The following KCTD1 variants were observed in gnomAD, a reference collection of about 807,000 sequenced individuals.
KCTD1 encodes the protein potassium channel tetramerization domain containing 1, also known as BTB/POZ domain-containing protein KCTD1.
KCTD1 carries 24 observed loss-of-function variants against 66.0 expected under a neutral mutation model. The observed-to-expected ratio is 0.36, with a 90% CI of 0.26 to 0.51. The LOEUF (loss-of-function observed/expected upper bound fraction) is 0.51, where lower values mean the gene tolerates loss of function less well. Ranked by LOEUF, KCTD1 falls within the 20% of genes least tolerant of loss-of-function variation. The probability of loss-of-function intolerance (pLI) is 0.95; values close to 1 mark genes in which losing one functional copy is unlikely to be tolerated. For synonymous variants in KCTD1, 511 were observed against 517.2 expected, an observed-to-expected ratio of 0.99 and a Z score of 0.16; for missense variants, 943 against 1,205.2, an observed-to-expected ratio of 0.78 and a Z score of 3.22.
intron 1 of KCTD1, among the ~76,000 whole-genome samples, chr18:26,597,655 GGT>G (rs1429635812): frequency 7.8e-6 from 1 of 128,180 alleles, no homozygotes; most frequent in East Asian, 2.6e-4. Context: ...CTGAGGTCTT[GGT>G]GTTTTTTTTT....
chr18:26,526,836 G>T (rs962308041), intron 1 of KCTD1, among the ~76,000 whole-genome samples: 24 of 150,266 alleles, frequency 1.6e-4, no homozygotes, highest in East Asian at 3.9e-4. Context: ...TGAAGAACTG[G>T]TATTTTCAGT....
intron 1 of KCTD1, among the ~76,000 whole-genome samples, chr18:26,514,562 AAAAAAAAAAG>A (rs1240613619): frequency 5.3e-4 from 60 of 113,002 alleles, no homozygotes; most frequent in South Asian, 1.8e-3. Flanking sequence ...AAAAAAAAAA[AAAAAAAAAAG>A]AAATGGCAGA....
upstream of KCTD1, chr18:26,549,714 G>T: frequency 1.0e-6 from 1 of 985,374 alleles, no homozygotes; most frequent in Non-Finnish European, 1.2e-6. Context: ...ATTCGGATCC[G>T]GAGCGCACTC....
At chr18:26,578,281 C>T (rs908740431) in intron 1 of KCTD1, among the ~76,000 whole-genome samples, 1 of 152,068 alleles carries the variant, frequency 6.6e-6, no homozygotes, top group Non-Finnish European at 1.5e-5. Context: ...TATTTTTGCT[C>T]TTCTATAAAT....
At chr18:26,531,012 G>A (rs1984409527) in intron 1 of KCTD1, among the ~76,000 whole-genome samples, 1 of 152,180 alleles carries the variant, frequency 6.6e-6, no homozygotes, top group Admixed American at 6.5e-5. Flanking sequence ...AACCACTGTG[G>A]CAGGCATGGG....
upstream of KCTD1, among the ~76,000 whole-genome samples, chr18:26,642,077 C>T (rs953408204): frequency 5.3e-5 from 8 of 152,148 alleles, no homozygotes; most frequent in African/African-American, 1.9e-4. Flanking sequence ...TGACACTTTT[C>T]CATGCCCTAT....
intron 1 of KCTD1, among the ~76,000 whole-genome samples, chr18:26,601,067 G>A (rs895783139): frequency 6.6e-6 from 1 of 152,070 alleles, no homozygotes; most frequent in Non-Finnish European, 1.5e-5. Context: ...GGAACTTAGT[G>A]TCACACACAA....
chr18:26,528,684 G>T (rs984337925), intron 1 of KCTD1, among the ~76,000 whole-genome samples: 6 of 152,112 alleles, frequency 3.9e-5, no homozygotes, highest in Middle Eastern at 3.2e-3. Context: ...CCACAAAACT[G>T]TTCTTGCAGA....
At chr18:26,485,254 T>A (rs1362449518) in intron 2 of KCTD1, among the ~76,000 whole-genome samples, 1 of 152,182 alleles carries the variant, frequency 6.6e-6, no homozygotes, top group Non-Finnish European at 1.5e-5. Flanking sequence ...GGTACCATTA[T>A]CCCCATTTTA....
chr18:26,656,065 G>A (rs2145089227), intron 1 of KCTD1, among the ~76,000 whole-genome samples: 1 of 152,274 alleles, frequency 6.6e-6, no homozygotes, highest in East Asian at 1.9e-4. Context: ...TTGGGGGGGC[G>A]GAGGAGGAAA....
chr18:26,620,833 CTTT>C (rs67862567), intron 1 of KCTD1, among the ~76,000 whole-genome samples: 82 of 118,316 alleles, frequency 6.9e-4, no homozygotes, highest in Middle Eastern at 5.6e-3. Context: ...ACTTGAAAAG[CTTT>C]TTTTTTTTTT....
chr18:26,634,883 C>T (rs1347264516), intron 1 of KCTD1, among the ~76,000 whole-genome samples: 2 of 152,204 alleles, frequency 1.3e-5, no homozygotes, highest in African/African-American at 4.8e-5. Context: ...CCACACACAA[C>T]TCTGGCCATT....
intron 1 of KCTD1, chr18:26,575,350 G>A (rs545233744): frequency 6.6e-6 from 1 of 152,308 alleles, no homozygotes; most frequent in East Asian, 1.9e-4. Flanking sequence ...GCCAAAGCCT[G>A]CGTTCCTGGG....
intron 1 of KCTD1, among the ~76,000 whole-genome samples, chr18:26,537,034 T>C (rs1984742682): frequency 6.6e-6 from 1 of 152,120 alleles, no homozygotes; most frequent in African/African-American, 2.4e-5. Flanking sequence ...ACCCTACCAT[T>C]AATTATAAAA....
chr18:26,571,205 TC>T (rs1158971406), intron 1 of KCTD1, among the ~76,000 whole-genome samples: 2 of 152,222 alleles, frequency 1.3e-5, no homozygotes, highest in Non-Finnish European at 2.9e-5. Flanking sequence ...TAACAGAATG[TC>T]CCTTGCACAT....
In KCTD1 at chr18:26,459,680, G is replaced by A. The variant is rs764240166; in HGVS notation, c.2379C>T (p.His793=). The change falls in exon 4 of 5, where the codon CAC becomes CAT. Residue 793 remains histidine (H), a synonymous_variant. Transcript: ENST00000580059. ...GAAACCTGATGACGTGCGTCGAGTC[G>A]TGATTCCAGCCTGCATTGACAGAGT... ...MCNSVNAGWN[H]DSTHVIRFPL... is the part of the protein sequence containing the mutation. The A allele has an allele frequency of 8.1e-6, 13 of 1,612,888 alleles. No homozygotes were observed. The highest frequency in any genetic ancestry group is 1.6e-4 in the Middle Eastern group (1 of 6,080).
At chr18:26,480,795 T>A (rs1981606165) in intron 2 of KCTD1, among the ~76,000 whole-genome samples, 2 of 152,114 alleles carry the variant, frequency 1.3e-5, no homozygotes, top group African/African-American at 4.8e-5. Context: ...CTCTGTTGAT[T>A]ACTCTTGTTT....
Position 26,577,739 on chromosome 18 carries a change from G to GT in KCTD1, c.-16+51407dup, listed in dbSNP as rs567341902. On this transcript the variant is annotated intron_variant, in intron 1 of 4. Coordinates refer to the KCTD1 transcript ENST00000317932. Reference sequence around the variant, plus strand: ...TAGTTTTTAGTGTTTTTTTTTGTTTGTTTTTTTGTTTTTTTGTAGAGATGA... The same window carrying GT: ...TAGTTTTTAGTGTTTTTTTTTGTTTGTTTTTTTTGTTTTTTTGTAGAGATGA... 7.0e-4 allele frequency among the ~76,000 whole-genome samples: 106 copies of GT among 151,504 alleles called. 1 individual carries two copies. The highest frequency in any genetic ancestry group is 2.4e-3 in the African/African-American group (101 of 41,324).
At chr18:26,546,288 CTG>C (rs1358299999) in intron 1 of KCTD1, among the ~76,000 whole-genome samples, 1 of 149,036 alleles carries the variant, frequency 6.7e-6, no homozygotes, top group African/African-American at 2.5e-5. Context: ...TAATTTATAA[CTG>C]TTTTTCTACC....
Sources: gnomAD v4.1 joint callset for allele counts (sites outside exome capture counted in the v4.1 genomes callset) on GRCh38, gnomAD v4.1.1 for gene constraint, MANE v1.5 for transcripts, NCBI Gene and HGNC (gene_info 2026-07-23, HGNC 2026-07-21) for gene names.